The following GMDS variants were observed in gnomAD, a reference collection of about 807,000 sequenced individuals.
The protein encoded by GMDS is GDP-mannose 4,6 dehydratase.
GMDS carries 20 observed loss-of-function variants against 49.9 expected under a neutral mutation model. That is an observed-to-expected ratio of 0.40 (90% CI 0.28 to 0.58). GMDS has a LOEUF of 0.58. GMDS is among the 20% of genes least tolerant of loss of function. The probability of loss-of-function intolerance (pLI) is 0.42; values close to 1 mark genes in which losing one functional copy is unlikely to be tolerated. For synonymous variants in GMDS, 177 were observed against 178.6 expected (o/e 0.99, Z 0.07); for missense variants, 362 against 481.4 (o/e 0.75, Z 2.32).
intron 4 of GMDS, among the ~76,000 whole-genome samples, chr6:2,040,498 T>C (rs1769610746): frequency 6.6e-6 from 1 of 152,204 alleles, no homozygotes; most frequent in Non-Finnish European, 1.5e-5. Flanking sequence ...TGGCTCTTTA[T>C]AGAAAGCACA....
Position 1,866,280 on chromosome 6 carries a change from T to C in GMDS, c.771+63823A>G, listed in dbSNP as rs546089632. Among the ~76,000 whole-genome samples the C allele has an allele frequency of 4.0e-4, 61 of 152,366 alleles. 1 individual carries two copies. Among genetic ancestry groups the C allele is most frequent in the African/African-American group, 1.5e-3 (61 of 41,592 alleles). On this transcript the variant is annotated intron_variant, in intron 7 of 10. Transcript: ENST00000380815. ...GACAGTGCATGTGTGTATATACATA[T>C]ATGAATCTGCAATGCTGCAGAGAAC...
chr6:1,777,830 C>A (rs77608439), intron 7 of GMDS, among the ~76,000 whole-genome samples: 4 of 152,066 alleles, frequency 2.6e-5, no homozygotes, highest in Non-Finnish European at 5.9e-5. Flanking sequence ...CCATGAATAA[C>A]GAACCAGGGA....
intron 4 of GMDS, among the ~76,000 whole-genome samples, chr6:1,978,524 C>T (rs1215917861): frequency 6.6e-6 from 1 of 152,222 alleles, no homozygotes; most frequent in African/African-American, 2.4e-5. Context: ...CTCCGTTATA[C>T]TCCTCCTTGT....
intron 7 of GMDS, among the ~76,000 whole-genome samples, chr6:1,786,283 T>C (rs993883900): frequency 1.3e-5 from 2 of 152,184 alleles, no homozygotes; most frequent in Non-Finnish European, 2.9e-5. Context: ...TCCAGAAAGA[T>C]GGAAATGCAA....
chr6:1,924,199 C>T (rs1035523219), intron 7 of GMDS, among the ~76,000 whole-genome samples: 14 of 152,212 alleles, frequency 9.2e-5, no homozygotes, highest in East Asian at 1.9e-4. Flanking sequence ...TTGGCAATTA[C>T]GTTTATTTCT....
chr6:2,031,850 T>C (rs568343842), intron 4 of GMDS, among the ~76,000 whole-genome samples: 10 of 152,226 alleles, frequency 6.6e-5, no homozygotes, highest in Non-Finnish European at 1.3e-4. Flanking sequence ...GTTGTAACTT[T>C]AGAAAATATT....
At chr6:1,969,835 T>G (rs2127318941) in intron 4 of GMDS, among the ~76,000 whole-genome samples, 1 of 152,340 alleles carries the variant, frequency 6.6e-6, no homozygotes, top group African/African-American at 2.4e-5. Context: ...AGAGAAAGCA[T>G]CTTCACTGGT....
Position 1,649,573 on chromosome 6 carries a change from C to T in GMDS, c.988-25033G>A, listed in dbSNP as rs62390647. ...AATCTGCTATCTTTGCACCTTGTAA[C>T]ATGAAGGCACGTTATCCAAGGCACA... On this transcript the variant is annotated intron_variant, in intron 9 of 10. Transcript: ENST00000380815. Among the ~76,000 whole-genome samples, 306 of 152,308 alleles carry T rather than the reference C, an allele frequency of 2.0e-3. 3 individuals carry two copies. The highest frequency in any genetic ancestry group is 3.8e-3 in the Non-Finnish European group (256 of 68,028).
At chr6:2,124,769 T>C in intron 1 of GMDS, 38 bp from the exon 2 acceptor site, 1 of 1,528,088 alleles carries the variant, frequency 6.5e-7, no homozygotes, top group South Asian at 1.1e-5. Context: ...GTCAGTCTCA[T>C]AGTGGTATAG....
At chr6:1,925,039 G>A (rs992145132) in intron 7 of GMDS, among the ~76,000 whole-genome samples, 14 of 152,058 alleles carry the variant, frequency 9.2e-5, no homozygotes, top group African/African-American at 3.4e-4. Context: ...TTGAATATTT[G>A]TAGCTGTAAG....
intron 4 of GMDS, among the ~76,000 whole-genome samples, chr6:2,003,844 T>G (rs1402703330): frequency 6.6e-6 from 1 of 152,172 alleles, no homozygotes; most frequent in African/African-American, 2.4e-5. Context: ...AACTCCTGTT[T>G]ATTATGTCCC....
intron 1 of GMDS, among the ~76,000 whole-genome samples, chr6:2,244,832 A>G (rs1781786026): frequency 6.6e-6 from 1 of 152,164 alleles, no homozygotes; most frequent in Admixed American, 6.5e-5. Flanking sequence ...CTATCTGGAA[A>G]TCCGGTGATA....
intron 1 of GMDS, among the ~76,000 whole-genome samples, chr6:2,238,455 C>A (rs1369966268): frequency 6.6e-6 from 1 of 152,138 alleles, no homozygotes; most frequent in Non-Finnish European, 1.5e-5. Flanking sequence ...CAACCTGTCA[C>A]CAAAATGCAT....
chr6:2,140,345 A>C lies in GMDS; in HGVS notation c.103-15614T>G, dbSNP rs554610188. On this transcript the variant is annotated intron_variant, in intron 1 of 10. Transcript: ENST00000380815. The stretch of plus-strand genomic sequence containing the variant: ...AGCAGCCACTAGAAGTTAGAAGAAG[A>C]AAGCAAGGAATTCTCCTCTTGAAGC... Among the ~76,000 whole-genome samples the C allele has an allele frequency of 3.3e-5, 5 of 152,268 alleles. No homozygotes were observed. In the East Asian group the frequency reaches 7.7e-4, roughly 24 times the overall value.
At chr6:1,647,895 A>T (rs1200093375) in intron 9 of GMDS, among the ~76,000 whole-genome samples, 2 of 152,210 alleles carry the variant, frequency 1.3e-5, no homozygotes, top group East Asian at 3.8e-4. Context: ...CTCTCAGAGT[A>T]CAACGATGCT....
intron 1 of GMDS, among the ~76,000 whole-genome samples, chr6:2,210,157 C>T (rs1390162535): frequency 1.3e-5 from 2 of 152,136 alleles, no homozygotes; most frequent in Non-Finnish European, 2.9e-5. Context: ...AAATCTATTT[C>T]CTACTTTCCA....
Position 1,989,842 on chromosome 6 carries a change from C to T in GMDS, c.346-28876G>A, listed in dbSNP as rs9391940. ...TCCAATGTGAGGGGCTGAAGATACG[C>T]CCTTGGGGCCAGGCCCAGCTCTACT... On this transcript the variant is annotated intron_variant, in intron 4 of 10. Coordinates refer to ENST00000380815, the MANE Select transcript of GMDS (RefSeq NM_001500.4). 9.0e-3 allele frequency among the ~76,000 whole-genome samples: 1,377 copies of T among 152,358 alleles called. 6 individuals are homozygous for T. Among genetic ancestry groups the T allele is most frequent in the Non-Finnish European group, 0.015 (1,016 of 68,030 alleles).
At chr6:1,947,562 C>A (rs1763135023) in intron 6 of GMDS, among the ~76,000 whole-genome samples, 1 of 152,152 alleles carries the variant, frequency 6.6e-6, no homozygotes, top group African/African-American at 2.4e-5. Flanking sequence ...TACTTGCATA[C>A]CCTCATGGGC....
chr6:2,000,183 C>T (rs1766708244), intron 4 of GMDS, among the ~76,000 whole-genome samples: 1 of 145,594 alleles, frequency 6.9e-6, no homozygotes, highest in African/African-American at 2.5e-5. Flanking sequence ...CTACAGGCGC[C>T]CGCCACCATG....
Sources: gnomAD v4.1 joint callset for allele counts (sites outside exome capture counted in the v4.1 genomes callset) on GRCh38, gnomAD v4.1.1 for gene constraint, MANE v1.5 for transcripts, NCBI Gene and HGNC (gene_info 2026-07-23, HGNC 2026-07-21) for gene names.